The following SAMD12 variants were observed in gnomAD, a reference collection of about 807,000 sequenced individuals.
The protein encoded by SAMD12 is sterile alpha motif domain-containing protein 12.
In SAMD12, 9 loss-of-function variants were observed where a neutral mutation model predicts 15.0. The ratio of observed to expected loss-of-function variants is 0.60; its 90% CI spans 0.36 to 1.05. SAMD12 has a LOEUF of 1.05. Ranked by LOEUF, SAMD12 falls within the 50% of genes least tolerant of loss-of-function variation. The pLI, the probability that SAMD12 is intolerant of heterozygous loss-of-function variation, is 0.01. For synonymous variants in SAMD12, 86 were observed against 90.1 expected (o/e 0.96, Z 0.25); for missense variants, 230 against 234.2 (o/e 0.98, Z 0.12).
chr8:118,494,575 C>T (rs6993509), intron 2 of SAMD12, among the ~76,000 whole-genome samples: 2,191 of 152,280 alleles, frequency 0.014, 54 homozygotes, highest in African/African-American at 0.048. Flanking sequence ...CAATGAAGGA[C>T]ATCGTGCCTC....
the SAMD12 span, among the ~76,000 whole-genome samples, chr8:118,157,530 A>G: frequency 0.16 from 24,696 of 152,170 alleles, 2,670 homozygotes; most frequent in African/African-American, 0.31. Context: ...CATTTATATT[A>G]TTTTAAACTT....
At chr8:118,351,677 G>T (rs1399912004) in intron 4 of SAMD12, among the ~76,000 whole-genome samples, 1 of 152,200 alleles carries the variant, frequency 6.6e-6, no homozygotes, top group Non-Finnish European at 1.5e-5. Context: ...GGAGCAGAAA[G>T]TTGAGAAATT....
At chr8:118,422,363 T>C (rs578177280) in intron 3 of SAMD12, among the ~76,000 whole-genome samples, 23 of 152,338 alleles carry the variant, frequency 1.5e-4, no homozygotes, top group African/African-American at 5.5e-4. Flanking sequence ...ATAGCTGTCA[T>C]TTATTAATTG....
chr8:118,346,519 G>C (rs556244846), intron 4 of SAMD12, among the ~76,000 whole-genome samples: 1 of 152,314 alleles, frequency 6.6e-6, no homozygotes, highest in Non-Finnish European at 1.5e-5. Flanking sequence ...CCTCTAACTT[G>C]TGGGATTGAA....
At chr8:118,449,282 C>T (rs182845128) in intron 2 of SAMD12, among the ~76,000 whole-genome samples, 33 of 151,804 alleles carry the variant, frequency 2.2e-4, no homozygotes, top group Admixed American at 1.0e-3. Context: ...AGGCTGGTCT[C>T]GAACTCGTGA....
intron 2 of SAMD12, among the ~76,000 whole-genome samples, chr8:118,539,019 T>C (rs556758692): frequency 6.6e-6 from 1 of 152,238 alleles, no homozygotes; most frequent in Non-Finnish European, 1.5e-5. Flanking sequence ...TATAAACCTA[T>C]TGACCCTTTC....
chr8:118,253,362 T>G (rs1812862141), intron 4 of SAMD12, among the ~76,000 whole-genome samples: 1 of 152,214 alleles, frequency 6.6e-6, no homozygotes, highest in South Asian at 2.1e-4. Flanking sequence ...GCAATACATA[T>G]TCTATACAAT....
chr8:118,592,457 T>C (rs1005435302), intron 1 of SAMD12, among the ~76,000 whole-genome samples: 3 of 152,192 alleles, frequency 2.0e-5, no homozygotes, highest in Admixed American at 6.5e-5. Flanking sequence ...CTGTCCCCAC[T>C]GACTAGCTGT....
intron 2 of SAMD12, among the ~76,000 whole-genome samples, chr8:118,568,276 C>G (rs1223524710): frequency 1.3e-5 from 2 of 152,186 alleles, no homozygotes; most frequent in Non-Finnish European, 1.5e-5. Context: ...GCAGAGGTAA[C>G]AGCCAGTATA....
chr8:118,353,173 A>G (rs981730476), intron 4 of SAMD12, among the ~76,000 whole-genome samples: 3 of 150,910 alleles, frequency 2.0e-5, no homozygotes, highest in African/African-American at 7.4e-5. Flanking sequence ...ATGTTCACTT[A>G]ATATCTAGTG....
At position 118,389,353 on chromosome 8, in the gene SAMD12, A is replaced by G. The variant is rs556042171; in HGVS notation, c.323-9653T>C. On this transcript the variant is annotated intron_variant, in intron 3 of 3. Coordinates refer to ENST00000314727, the MANE Select transcript of SAMD12 (RefSeq NM_207506.3). ...TCAGATGCTTTTGTCAGGATAACAT[A>G]ATTGGGTGAAGAGAACTGCCCTAAG... is the stretch of plus-strand genomic sequence containing the variant. Among the ~76,000 whole-genome samples the G allele has an allele frequency of 7.2e-5, 11 of 152,318 alleles. No homozygotes were observed. In the East Asian group the frequency reaches 2.1e-3, roughly 29 times the overall value.
chr8:118,241,886 A>G (rs906061938), intron 4 of SAMD12, among the ~76,000 whole-genome samples: 1 of 152,170 alleles, frequency 6.6e-6, no homozygotes, highest in Non-Finnish European at 1.5e-5. Context: ...AAACAAAACA[A>G]TGATATTTGA....
intron 4 of SAMD12, among the ~76,000 whole-genome samples, chr8:118,292,732 T>C (rs1033895763): frequency 6.6e-6 from 1 of 151,958 alleles, no homozygotes; most frequent in Admixed American, 6.6e-5. Context: ...TAAAAAATGA[T>C]GAGTTCATGT....
At chr8:118,345,024 C>T (rs1817564690) in intron 4 of SAMD12, among the ~76,000 whole-genome samples, 1 of 152,196 alleles carries the variant, frequency 6.6e-6, no homozygotes, top group South Asian at 2.1e-4. Flanking sequence ...CACATTCACT[C>T]ACCACTCACT....
chr8:118,550,092 G>A (rs544072979), intron 2 of SAMD12, among the ~76,000 whole-genome samples: 4 of 152,304 alleles, frequency 2.6e-5, no homozygotes, highest in Admixed American at 6.5e-5. Flanking sequence ...GAACCAAGCT[G>A]GAAAACACTC....
At chr8:118,567,997 T>C (rs1826896596) in intron 2 of SAMD12, among the ~76,000 whole-genome samples, 1 of 152,188 alleles carries the variant, frequency 6.6e-6, no homozygotes, top group African/African-American at 2.4e-5. Flanking sequence ...TCACTAAACA[T>C]GGGGTCCTGC....
chr8:118,245,857 T>C (rs997830514), intron 4 of SAMD12, among the ~76,000 whole-genome samples: 1 of 151,984 alleles, frequency 6.6e-6, no homozygotes, highest in African/African-American at 2.4e-5. Context: ...AGGGGTTAAG[T>C]TGAATTTTGA....
At chr8:118,554,021 A>ACAACAG (rs1421402672) in intron 2 of SAMD12, among the ~76,000 whole-genome samples, 1 of 152,166 alleles carries the variant, frequency 6.6e-6, no homozygotes, top group Non-Finnish European at 1.5e-5. Flanking sequence ...ATCATTAAAA[A>ACAACAG]GTCAGGAAAC....
At chr8:118,246,774 G>A (rs1812707589) in intron 4 of SAMD12, among the ~76,000 whole-genome samples, 1 of 152,138 alleles carries the variant, frequency 6.6e-6, no homozygotes, top group African/African-American at 2.4e-5. Flanking sequence ...CTAAGTAAAT[G>A]ATGATTTATC....
Sources: allele counts gnomAD v4.1 joint callset (sites outside exome capture counted in the v4.1 genomes callset), GRCh38; gene constraint gnomAD v4.1.1; transcripts MANE v1.5; gene names NCBI Gene and HGNC (gene_info 2026-07-23, HGNC 2026-07-21).